TTYH1: variants seen among roughly 807,000 people sequenced by gnomAD.
The protein encoded by TTYH1 is tweety family member 1, also known as protein tweety homolog 1.
A neutral mutation model predicts 61.2 loss-of-function variants in TTYH1; 33 were observed. The ratio of observed to expected loss-of-function variants is 0.54; its 90% CI spans 0.41 to 0.72. The LOEUF (loss-of-function observed/expected upper bound fraction) is 0.72, where lower values mean the gene tolerates loss of function less well. Ranked by LOEUF, TTYH1 falls within the 30% of genes least tolerant of loss-of-function variation. The pLI is 0.00. For missense variants in TTYH1, 538 were observed against 575.8 expected (o/e 0.93, Z 0.67); for synonymous variants, 308 against 266.4 (o/e 1.16, Z -1.52).
At chr19:54,428,933 C>T (rs1159055720) in intron 5 of TTYH1, among the ~76,000 whole-genome samples, 1 of 152,184 alleles carries the variant, frequency 6.6e-6, no homozygotes, top group Non-Finnish European at 1.5e-5. Context: ...CTCCCATTCT[C>T]AGAGGAGACA....
At position 54,419,551 on chromosome 19, in the gene TTYH1, G is replaced by C; in HGVS notation, c.305+245G>C. On this transcript the variant is annotated intron_variant, in intron 2 of 13. Transcript: ENST00000376530. This position sits in a 1 kb window ranked among gnomAD's most constrained non-coding sequence, Gnocchi z 6.1. ...TCAAGGGCAGCCATCTGGTGAGAAG[G>C]CGCAGGGGCAGTCAGATGGCCTGGT... 1.4e-6 allele frequency: 1 copy of C among 695,362 alleles called. No individual in the cohort carries two copies. Among genetic ancestry groups the C allele is most frequent in the Non-Finnish European group, 2.6e-6 (1 of 381,708 alleles). The allele number at this position is 695,362 out of a possible 1,614,324, so 43.1% of individuals were successfully genotyped here. A position where few individuals can be genotyped will look rare whatever the true frequency, so the allele number is the denominator to read the frequency against.
chr19:54,425,558 C>T (rs748459786), intron 4 of TTYH1, among the ~76,000 whole-genome samples: 3 of 152,108 alleles, frequency 2.0e-5, no homozygotes, highest in African/African-American at 7.2e-5. Context: ...TTGCATGCCC[C>T]GTGTTTAAAG....
chr19:54,416,464 C>T lies in TTYH1; in HGVS notation c.126+786C>T. ...GACCCAGTTTAATTCAAGTCCTTGA[C>T]TTCGAGATTAATGAGGAGAAAGGCT... On this transcript the variant is annotated intron_variant, in intron 1 of 13. Coordinates refer to ENST00000376530, the MANE Select transcript of TTYH1 (RefSeq NM_020659.4). The surrounding 1 kb of genome is among the most constrained non-coding windows in gnomAD (Gnocchi z 7.0). 1 of 284,656 alleles carries T rather than the reference C, an allele frequency of 3.5e-6. No homozygotes were observed. Among genetic ancestry groups the T allele is most frequent in the South Asian group, 2.9e-5 (1 of 33,976 alleles). 17.6% of individuals were successfully genotyped at this position (284,656 alleles called of 1,614,324 possible). A position where few individuals can be genotyped will look rare whatever the true frequency, so the allele number is the denominator to read the frequency against.
At position 54,436,184 on chromosome 19, in the gene TTYH1, G is replaced by A. The variant is rs781017052; in HGVS notation, c.*42+13G>A. On this transcript the variant is annotated intron_variant, in intron 13 of 13. Transcript: ENST00000376530. The surrounding 1 kb of genome is among the most constrained non-coding windows in gnomAD (Gnocchi z 4.3). ...GCTCCCCTCTTCGGTGAGCTTCCAA[G>A]GGCCACCCCAGCTCCTGCAGCCGGG... 9 of 1,613,654 alleles carry A rather than the reference G, an allele frequency of 5.6e-6. No homozygotes were observed. Among genetic ancestry groups the A allele is most frequent in the Admixed American group, 1.7e-5 (1 of 60,010 alleles).
chr19:54,416,045 C>T lies in TTYH1; in HGVS notation c.126+367C>T, dbSNP rs1326401956. 1 of 1,314,514 alleles carries T rather than the reference C, an allele frequency of 7.6e-7. No homozygotes were observed. Among genetic ancestry groups the T allele is most frequent in the East Asian group, 5.2e-5 (1 of 19,074 alleles). 81.4% of individuals were successfully genotyped at this position (1,314,514 alleles called of 1,614,324 possible). On this transcript the variant is annotated intron_variant, in intron 1 of 13. Coordinates refer to ENST00000376530, the MANE Select transcript of TTYH1 (RefSeq NM_020659.4). The surrounding 1 kb of genome is among the most constrained non-coding windows in gnomAD (Gnocchi z 7.0). ...ACTCTTCCTGCCCTAAAAGATGACC[C>T]TGCCCCACAGGATCAGAGCAGGTGA... is the stretch of plus-strand genomic sequence containing the variant.
At chr19:54,427,906 G>A (rs1471583532) in intron 5 of TTYH1, among the ~76,000 whole-genome samples, 1 of 151,946 alleles carries the variant, frequency 6.6e-6, no homozygotes, top group Non-Finnish European at 1.5e-5. Flanking sequence ...CCTTCTGCCT[G>A]TTTTTTATTT....
At position 54,416,951 on chromosome 19, in the gene TTYH1, G is replaced by A. The variant is rs1484082112; in HGVS notation, c.126+1273G>A. 3 of 1,247,478 alleles carry A rather than the reference G, an allele frequency of 2.4e-6. No individual in the cohort carries two copies. Among genetic ancestry groups the A allele is most frequent in the Non-Finnish European group, 3.1e-6 (3 of 968,130 alleles). 77.3% of individuals were successfully genotyped at this position (1,247,478 alleles called of 1,614,324 possible). A position where few individuals can be genotyped will look rare whatever the true frequency, so the allele number is the denominator to read the frequency against. On this transcript the variant is annotated intron_variant, in intron 1 of 13. Transcript: ENST00000376530. This position sits in a 1 kb window ranked among gnomAD's most constrained non-coding sequence, Gnocchi z 7.0. ...CACGGGTTTGGGGGAGCCTCACTCC[G>A]CCCCCACGGTCGGGGGTCAGGGTCA...
At position 54,419,575 on chromosome 19, in the gene TTYH1, G is replaced by A. The variant is rs1253653287; in HGVS notation, c.305+269G>A. The A allele has an allele frequency of 1.5e-6, 1 of 676,626 alleles. No homozygotes were observed. The allele number at this position is 676,626 out of a possible 1,614,324, so 41.9% of individuals were successfully genotyped here. On this transcript the variant is annotated intron_variant, in intron 2 of 13. Transcript: ENST00000376530. The surrounding 1 kb of genome is among the most constrained non-coding windows in gnomAD (Gnocchi z 6.1). ...GGCGCAGGGGCAGTCAGATGGCCTG[G>A]TTTTGGTGGCTCTCCCATTGAATAG...
At position 54,422,403 on chromosome 19, in the gene TTYH1, G is replaced by A. The variant is rs759684896; in HGVS notation, c.631G>A (p.Glu211Lys). 1.9e-6 allele frequency: 3 copies of A among 1,545,494 alleles called. No homozygotes were observed. The highest frequency in any genetic ancestry group is 2.6e-6 in the Non-Finnish European group (3 of 1,141,760). Residue 211 changes from glutamate to lysine, a missense_variant, in exon 4 of 14, where the codon GAG (glutamate) becomes AAG (lysine). Coordinates refer to ENST00000376530, the MANE Select transcript of TTYH1 (RefSeq NM_020659.4). ...QVAENVSFVE[E>K]YRWLAYVLLL... ...GGCTGAAAATGTGTCCTTTGTGGAGGAGTACAGGTGAGACGCTGCTCTTCT... is the reference window on the plus strand; with the variant it reads ...GGCTGAAAATGTGTCCTTTGTGGAGAAGTACAGGTGAGACGCTGCTCTTCT...
chr19:54,426,680 G>A lies in TTYH1; in HGVS notation c.646G>A (p.Ala216Thr). Residue 216 changes from alanine (A) to threonine (T), a missense_variant, in exon 5 of 14, where the codon GCC becomes ACC. Ala to Thr is a moderately conservative substitution (Grantham distance 58, BLOSUM62 0). Around this residue, in one of 3 missense-constraint regions of TTYH1, gnomAD observed 378 missense variants for 401.2 expected, o/e 0.94. Coordinates refer to ENST00000376530, the MANE Select transcript of TTYH1 (RefSeq NM_020659.4). ...VSFVEEYRWL[A>T]YVLLLLLELL... is the part of the protein sequence containing the mutation. ...TACCCTCTCCCCTCCCAGGTGGCTGGCCTACGTCCTCCTGCTGCTCCTGGA... is the reference window on the plus strand; with the variant it reads ...TACCCTCTCCCCTCCCAGGTGGCTGACCTACGTCCTCCTGCTGCTCCTGGA... The A allele has an allele frequency of 6.2e-7, 1 of 1,613,762 alleles. No homozygotes were observed. Among genetic ancestry groups the A allele is most frequent in the Non-Finnish European group, 8.5e-7 (1 of 1,179,942 alleles).
chr19:54,435,987 C>A (rs1043789550), intron 12 of TTYH1, 104 bp from the exon 13 acceptor site: 1 of 1,564,280 alleles, frequency 6.4e-7, no homozygotes, highest in Non-Finnish European at 8.8e-7. Flanking sequence ...GGGGCTGGGG[C>A]CCGGACTCCT....
rs141416944 is a variant in TTYH1 at position 54,420,645 on chromosome 19, G to A, written c.306-632G>A. ...GGTGGGGGCGGGGGCACGGCTTCTC[G>A]CCCATCCTCCAGCCTCCCTCCCACA... is the stretch of plus-strand genomic sequence containing the variant. On this transcript the variant is annotated intron_variant, in intron 2 of 13. Coordinates refer to ENST00000376530, the MANE Select transcript of TTYH1 (RefSeq NM_020659.4). The surrounding 1 kb of genome is among the most constrained non-coding windows in gnomAD (Gnocchi z 4.8). 1,254 of 166,208 alleles carry A rather than the reference G, an allele frequency of 7.5e-3. 14 individuals are homozygous for A. The highest frequency in any genetic ancestry group is 0.028 in the African/African-American group (1,177 of 41,488). The allele number at this position is 166,208 out of a possible 1,614,324, so 10.3% of individuals were successfully genotyped here. A position where few individuals can be genotyped will look rare whatever the true frequency, so the allele number is the denominator to read the frequency against.
In TTYH1 at chr19:54,421,760, C is replaced by A. The variant is rs1311979958; in HGVS notation, c.417+372C>A. On this transcript the variant is annotated intron_variant, in intron 3 of 13. Coordinates refer to ENST00000376530, the MANE Select transcript of TTYH1 (RefSeq NM_020659.4). The surrounding 1 kb of genome is among the most constrained non-coding windows in gnomAD (Gnocchi z 4.8). ...GGCCCAGGTCCCCGACTTGAGGCTT[C>A]AGCTCCGACATCAGCTCCAGGATTC... Among the ~76,000 whole-genome samples, 2 of 152,146 alleles carry A rather than the reference C, an allele frequency of 1.3e-5. No homozygotes were observed. The highest frequency in any genetic ancestry group is 2.9e-5 in the Non-Finnish European group (2 of 68,008).
intron 10 of TTYH1, chr19:54,432,501 G>C (rs527681597): frequency 6.6e-6 from 1 of 152,394 alleles, no homozygotes; most frequent in Admixed American, 6.5e-5. Context: ...AGGAGAGAGG[G>C]ACCTTCCGGA....
intron 4 of TTYH1, 57 bp downstream of exon 4, chr19:54,422,467 G>A (rs934164502): frequency 7.0e-7 from 1 of 1,424,812 alleles, no homozygotes; most frequent in East Asian, 2.5e-5. Flanking sequence ...GAGTCCCCGG[G>A]GGGACAGTTG....
Position 54,415,730 on chromosome 19 carries a change from G to A in TTYH1, c.126+52G>A, listed in dbSNP as rs2083063235. On this transcript the variant is annotated intron_variant, in intron 1 of 13. Coordinates refer to ENST00000376530, the MANE Select transcript of TTYH1 (RefSeq NM_020659.4). The surrounding 1 kb of genome is among the most constrained non-coding windows in gnomAD (Gnocchi z 5.2). ...GCCAGGGCTGGGGGCCGGAGCTCCT[G>A]GGTCCCGAGGGAGAAGGGGGCTGGG... 1 of 1,447,456 alleles carries A rather than the reference G, an allele frequency of 6.9e-7. No individual in the cohort carries two copies. Among genetic ancestry groups the A allele is most frequent in the Non-Finnish European group, 9.1e-7 (1 of 1,094,730 alleles). The allele number at this position is 1,447,456 out of a possible 1,614,324, so 89.7% of individuals were successfully genotyped here.
chr19:54,426,535 C>G (rs890113713), intron 4 of TTYH1, 138 bp from the exon 5 acceptor site: 4 of 714,482 alleles, frequency 5.6e-6, no homozygotes, highest in East Asian at 5.0e-5. Flanking sequence ...ACACAGTAAA[C>G]AGCAGGAGGC....
chr19:54,429,815 G>A lies in TTYH1; in HGVS notation c.808-67G>A. The A allele has an allele frequency of 7.1e-7, 1 of 1,417,964 alleles. No homozygotes were observed. Among genetic ancestry groups the A allele is most frequent in the Non-Finnish European group, 9.9e-7 (1 of 1,009,852 alleles). The allele number at this position is 1,417,964 out of a possible 1,614,324, so 87.8% of individuals were successfully genotyped here. ...GAGGGGAGCTGGGGAGCCAGGCACT[G>A]GGTGCTGTGGGAGTGTGGAATCGGG... On this transcript the variant is annotated intron_variant, in intron 6 of 13. Coordinates refer to ENST00000376530, the MANE Select transcript of TTYH1 (RefSeq NM_020659.4). The surrounding 1 kb of genome is among the most constrained non-coding windows in gnomAD (Gnocchi z 5.1).
At chr19:54,427,422 G>T (rs988671497) in intron 5 of TTYH1, among the ~76,000 whole-genome samples, 1 of 149,624 alleles carries the variant, frequency 6.7e-6, no homozygotes, top group Non-Finnish European at 1.5e-5. Context: ...TGGCTAACAC[G>T]GTGAAACCCC....
Sources: gnomAD v4.1 joint callset for allele counts (sites outside exome capture counted in the v4.1 genomes callset) on GRCh38, gnomAD v4.1.1 for gene constraint, gnomAD v4.1.1 regional missense constraint, Gnocchi (gnomAD v3.1) non-coding constraint, MANE v1.5 for transcripts, NCBI Gene and HGNC (gene_info 2026-07-23, HGNC 2026-07-21) for gene names.